The following GABRB2 variants were observed in gnomAD, a reference collection of about 807,000 sequenced individuals.
The protein encoded by GABRB2 is gamma-aminobutyric acid type A receptor subunit beta2, also known as gamma-aminobutyric acid receptor subunit beta-2.
Under a neutral mutation model 54.7 loss-of-function variants are expected in GABRB2, and 16 were observed. That is an observed-to-expected ratio of 0.29 (90% CI 0.20 to 0.44). GABRB2 has a LOEUF of 0.44. Among genes scored for constraint, GABRB2 ranks in the 20% least tolerant of loss-of-function variants. The probability of loss-of-function intolerance (pLI) is 1.00; values close to 1 mark genes in which losing one functional copy is unlikely to be tolerated. For synonymous variants in GABRB2, 244 were observed against 233.8 expected, an observed-to-expected ratio of 1.04 and a Z score of -0.40; for missense variants, 355 against 644.0, an observed-to-expected ratio of 0.55 and a Z score of 4.86.
intron 5 of GABRB2, among the ~76,000 whole-genome samples, chr5:161,402,153 A>T (rs965496340): frequency 2.6e-4 from 39 of 151,978 alleles, no homozygotes; most frequent in African/African-American, 8.9e-4. Context: ...TCAATCATAT[A>T]CAAATTATAA....
intron 3 of GABRB2, among the ~76,000 whole-genome samples, chr5:161,497,821 A>G (rs1335641738): frequency 2.0e-5 from 3 of 152,122 alleles, no homozygotes; most frequent in African/African-American, 7.2e-5. Context: ...TTCAGCTAGG[A>G]TGCTGGCCTG....
intron 5 of GABRB2, among the ~76,000 whole-genome samples, chr5:161,382,724 C>T (rs1257806519): frequency 3.3e-5 from 5 of 152,168 alleles, no homozygotes; most frequent in Non-Finnish European, 1.5e-5. Context: ...ATGTGTCTGT[C>T]CCTTACACAT....
At chr5:161,512,546 C>T (rs1375296397) in intron 3 of GABRB2, among the ~76,000 whole-genome samples, 1 of 151,920 alleles carries the variant, frequency 6.6e-6, no homozygotes, top group Non-Finnish European at 1.5e-5. Context: ...ACCTACCTTT[C>T]CCATACAAAA....
chr5:161,502,191 T>C (rs1759465544), intron 3 of GABRB2, among the ~76,000 whole-genome samples: 1 of 151,650 alleles, frequency 6.6e-6, no homozygotes, highest in South Asian at 2.1e-4. Flanking sequence ...ATGATCTAAA[T>C]TAAAATATAA....
chr5:161,295,422 C>T (rs1357370755), intron 9 of GABRB2, among the ~76,000 whole-genome samples: 1 of 152,108 alleles, frequency 6.6e-6, no homozygotes, highest in East Asian at 1.9e-4. Flanking sequence ...TCAACTGCTA[C>T]AGATAATAAA....
At chr5:161,396,894 C>T (rs1396334392) in intron 5 of GABRB2, among the ~76,000 whole-genome samples, 1 of 152,106 alleles carries the variant, frequency 6.6e-6, no homozygotes, top group Non-Finnish European at 1.5e-5. Flanking sequence ...ATTCTTTAAG[C>T]CCCAGTCTCC....
At chr5:161,465,298 G>T (rs1309761349) in intron 3 of GABRB2, among the ~76,000 whole-genome samples, 1 of 152,050 alleles carries the variant, frequency 6.6e-6, no homozygotes, top group Non-Finnish European at 1.5e-5. Flanking sequence ...TCTCCTTCAT[G>T]AATACACAGG....
At chr5:161,436,626 C>T (rs974089565) in intron 4 of GABRB2, among the ~76,000 whole-genome samples, 5 of 151,474 alleles carry the variant, frequency 3.3e-5, no homozygotes, top group Non-Finnish European at 7.4e-5. Context: ...CTCACAAGGA[C>T]ACCAAGTTAA....
At chr5:161,529,267 T>C (rs773387177) in intron 3 of GABRB2, among the ~76,000 whole-genome samples, 54 of 152,048 alleles carry the variant, frequency 3.6e-4, no homozygotes, top group Non-Finnish European at 6.9e-4. Flanking sequence ...GTACAGATTT[T>C]ATTATTTACG....
chr5:161,445,717 A>C (rs1304435332), intron 4 of GABRB2, among the ~76,000 whole-genome samples: 4 of 152,120 alleles, frequency 2.6e-5, no homozygotes, highest in African/African-American at 9.7e-5. Flanking sequence ...TCTTTCAACC[A>C]ATTGCCAATC....
At chr5:161,381,125 A>G (rs1190565954) in intron 5 of GABRB2, among the ~76,000 whole-genome samples, 1 of 152,098 alleles carries the variant, frequency 6.6e-6, no homozygotes, top group Non-Finnish European at 1.5e-5. Context: ...CTTTGGAATC[A>G]CACAGTACTG....
intron 3 of GABRB2, among the ~76,000 whole-genome samples, chr5:161,544,204 A>G (rs1760901648): frequency 6.6e-6 from 1 of 152,196 alleles, no homozygotes; most frequent in South Asian, 2.1e-4. Flanking sequence ...CCTTTATTTA[A>G]TAATTAATCC....
At chr5:161,395,409 T>G (rs1445433052) in intron 5 of GABRB2, among the ~76,000 whole-genome samples, 2 of 152,152 alleles carry the variant, frequency 1.3e-5, no homozygotes, top group East Asian at 3.9e-4. Context: ...CATCTATCCA[T>G]TCATTATTCA....
At chr5:161,507,278 G>C (rs1759634410) in intron 3 of GABRB2, among the ~76,000 whole-genome samples, 1 of 152,010 alleles carries the variant, frequency 6.6e-6, no homozygotes. Context: ...AATTGGAAAA[G>C]TATAAATAAA....
At chr5:161,336,443 G>T (rs541072571) in intron 6 of GABRB2, among the ~76,000 whole-genome samples, 189 bp downstream of exon 6, 2 of 152,260 alleles carry the variant, frequency 1.3e-5, no homozygotes, top group South Asian at 4.1e-4. Context: ...CTCTGCTGGG[G>T]TGGCCTCTGG....
chr5:161,393,070 C>G (rs1212180906), intron 5 of GABRB2, among the ~76,000 whole-genome samples: 1 of 151,660 alleles, frequency 6.6e-6, no homozygotes, highest in Non-Finnish European at 1.5e-5. Context: ...ATTTCTTACA[C>G]AGATCTTTTT....
intron 9 of GABRB2, among the ~76,000 whole-genome samples, chr5:161,297,649 A>T (rs971066469): frequency 6.6e-6 from 1 of 152,172 alleles, no homozygotes; most frequent in African/African-American, 2.4e-5. Context: ...TCCATGGTAT[A>T]TACGTGTCAC....
chr5:161,449,641 T>C (rs1757732375), intron 4 of GABRB2, among the ~76,000 whole-genome samples: 2 of 152,190 alleles, frequency 1.3e-5, no homozygotes, highest in Admixed American at 1.3e-4. Flanking sequence ...GTCTCTTCTG[T>C]TGTTTTTCAG....
rs1201192520 is a variant in GABRB2, at chr5:161,292,634, G to A, written c.*1447C>T. The A allele has an allele frequency of 6.6e-6, 1 of 152,022 alleles. No individual in the cohort carries two copies. The highest frequency in any genetic ancestry group is 2.4e-5 in the African/African-American group (1 of 41,392). The allele number at this position is 152,022 out of a possible 1,614,324, so 9.4% of individuals were successfully genotyped here. A position where few individuals can be genotyped will look rare whatever the true frequency, so the allele number is the denominator to read the frequency against. On this transcript the variant is annotated 3_prime_UTR_variant, in exon 10 of 10. Coordinates refer to ENST00000393959, the MANE Select transcript of GABRB2 (RefSeq NM_001371727.1). ...CTCATAACATTTATCATGTTAATGTGGCTTTGTTATTATTTTCCACTAGTT... is the reference window on the plus strand; with the variant it reads ...CTCATAACATTTATCATGTTAATGTAGCTTTGTTATTATTTTCCACTAGTT...
Sources: gnomAD v4.1 joint callset for allele counts (sites outside exome capture counted in the v4.1 genomes callset) on GRCh38, gnomAD v4.1.1 for gene constraint, MANE v1.5 for transcripts, NCBI Gene and HGNC (gene_info 2026-07-23, HGNC 2026-07-21) for gene names.